Variants in LRP8 observed in about 807,000 individuals in gnomAD.
LRP8 encodes low-density lipoprotein receptor-related protein 8.
In LRP8, 46 loss-of-function variants were observed where a neutral mutation model predicts 111.6. The observed-to-expected ratio is 0.41, with a 90% CI of 0.33 to 0.53. LRP8 has a LOEUF of 0.53. LRP8 is among the 20% of genes least tolerant of loss of function. The probability of loss-of-function intolerance (pLI) is 0.20; values close to 1 mark genes in which losing one functional copy is unlikely to be tolerated. For missense variants in LRP8, 959 were observed against 1,297.4 expected (o/e 0.74, Z 4.01); for synonymous variants, 464 against 511.2 (o/e 0.91, Z 1.24).
rs775189421 is a variant in LRP8 at position 53,326,901 on chromosome 1, G to A, written c.216C>T (p.Cys72=). The A allele has an allele frequency of 1.9e-6, 3 of 1,613,746 alleles. No individual in the cohort carries two copies. Among genetic ancestry groups the A allele is most frequent in the South Asian group, 2.2e-5 (2 of 91,080 alleles). ...SVWRCDEDDD[C]LDHSDEDDCP... is the part of the protein sequence containing the mutation. ...AGTCGTCCTCGTCGCTGTGGTCTAA[G>A]CAGTCATCGTCCTCGTCGCATCTCC... The change falls in exon 2 of 19, where the codon TGC becomes TGT. Residue 72 remains cysteine (C), a synonymous_variant. Transcript: ENST00000306052.
At chr1:53,320,778 G>C (rs1654407204) in intron 2 of LRP8, among the ~76,000 whole-genome samples, 2 of 152,204 alleles carry the variant, frequency 1.3e-5, no homozygotes, top group Admixed American at 6.5e-5. Context: ...GGGAGGCACT[G>C]CTGAGTCCTG....
At chr1:53,248,462 C>T (rs1645793404) in intron 18 of LRP8, among the ~76,000 whole-genome samples, 1 of 152,172 alleles carries the variant, frequency 6.6e-6, no homozygotes, top group African/African-American at 2.4e-5. Context: ...AGGCTATTTA[C>T]CTCACGATAT....
rs779445518 is a variant in LRP8, at chr1:53,257,480, C to CATGGAGGT, written c.2210-24_2210-17dup. Reference sequence around the variant, plus strand: ...GATTGAGGTGCTGGAGGGGAAATACCATGGAGGTCACTTGGACAGATAATT... The same window carrying CATGGAGGT: ...GATTGAGGTGCTGGAGGGGAAATACCATGGAGGTATGGAGGTCACTTGGACAGATAATT... On this transcript the variant is annotated splice_polypyrimidine_tract_variant and intron_variant, in intron 14 of 18. Transcript: ENST00000306052. 6.2e-7 allele frequency: 1 copy of CATGGAGGT among 1,600,158 alleles called. No homozygotes were observed. Among genetic ancestry groups the CATGGAGGT allele is most frequent in the African/African-American group, 1.3e-5 (1 of 74,568 alleles).
rs768124097 is a variant in LRP8 at position 53,249,346 on chromosome 1, C to T, written c.2853+34G>A. 6.2e-7 allele frequency: 1 copy of T among 1,605,612 alleles called. No individual in the cohort carries two copies. The highest frequency in any genetic ancestry group is 8.5e-7 in the Non-Finnish European group (1 of 1,175,396). On this transcript the variant is annotated intron_variant, in intron 18 of 18. Coordinates refer to ENST00000306052, the MANE Select transcript of LRP8 (RefSeq NM_004631.5). This position sits in a 1 kb window ranked among gnomAD's most constrained non-coding sequence, Gnocchi z 4.1. The stretch of plus-strand genomic sequence containing the variant: ...CTGCCTTGGTTCATGCCCTCACTCA[C>T]CAGCCCCTCAGACTTAGAGTGGCAC...
Position 53,280,285 on chromosome 1 carries a change from C to T in LRP8, c.496+302G>A, listed in dbSNP as rs1647064086. On this transcript the variant is annotated intron_variant, in intron 4 of 18. Coordinates refer to ENST00000306052, the MANE Select transcript of LRP8 (RefSeq NM_004631.5). The stretch of plus-strand genomic sequence containing the variant: ...ACAAAAGCTCATGGGCTTTGCTGTC[C>T]AGTCCTGAATCTGAATCTTGGTTTC... Among the ~76,000 whole-genome samples, 3 of 152,220 alleles carry T rather than the reference C, an allele frequency of 2.0e-5. No individual in the cohort carries two copies. In the South Asian group the frequency reaches 6.2e-4, roughly 31 times the overall value.
intron 5 of LRP8, 26 bp downstream of exon 5, chr1:53,276,666 G>A (rs902484324): frequency 1.2e-5 from 18 of 1,509,016 alleles, no homozygotes; most frequent in Non-Finnish European, 1.5e-5. Context: ...CCCTGGGCGG[G>A]GCTGGGCGGT....
intron 15 of LRP8, among the ~76,000 whole-genome samples, chr1:53,256,684 T>G (rs1646100499): frequency 6.6e-6 from 1 of 152,256 alleles, no homozygotes. Flanking sequence ...TTTCTAGCAG[T>G]GACAATTACT....
At chr1:53,292,907 C>T (rs751695800) in intron 2 of LRP8, among the ~76,000 whole-genome samples, 1 of 152,224 alleles carries the variant, frequency 6.6e-6, no homozygotes, top group African/African-American at 2.4e-5. Context: ...AAAAACCTTA[C>T]AGCAGGTGGG....
At chr1:53,311,732 G>A (rs1653037898) in intron 2 of LRP8, among the ~76,000 whole-genome samples, 2 of 152,132 alleles carry the variant, frequency 1.3e-5, no homozygotes, top group Admixed American at 6.5e-5. Context: ...GAGGGGAAGA[G>A]GACCAGCCAA....
At chr1:53,322,383 C>T (rs763139225) in intron 2 of LRP8, among the ~76,000 whole-genome samples, 12 of 152,070 alleles carry the variant, frequency 7.9e-5, no homozygotes, top group East Asian at 1.9e-4. Flanking sequence ...ACACCTGCAC[C>T]GGATCTCTTA....
intron 16 of LRP8, among the ~76,000 whole-genome samples, chr1:53,252,267 C>T (rs573089240): frequency 6.6e-6 from 1 of 152,162 alleles, no homozygotes; most frequent in South Asian, 2.1e-4. Context: ...CAGTGGCTCA[C>T]ATATGTAATA....
intron 10 of LRP8, among the ~76,000 whole-genome samples, 195 bp downstream of exon 10, chr1:53,263,974 G>T (rs1409067957): frequency 6.6e-6 from 1 of 152,176 alleles, no homozygotes; most frequent in African/African-American, 2.4e-5. Context: ...TAACGAGTGG[G>T]TGGGAGAGTC....
intron 2 of LRP8, among the ~76,000 whole-genome samples, chr1:53,290,816 G>C (rs950721566): frequency 1.3e-5 from 2 of 152,178 alleles, no homozygotes; most frequent in Non-Finnish European, 2.9e-5. Flanking sequence ...AACTGAGGCT[G>C]CCTGGCTACC....
intron 1 of LRP8, chr1:53,327,283 A>C (rs1655267535): frequency 2.2e-6 from 1 of 446,552 alleles, no homozygotes; most frequent in African/African-American, 2.0e-5. Flanking sequence ...ATAGTCAGAG[A>C]TCTGCTCAGA....
intron 3 of LRP8, 138 bp downstream of exon 3, chr1:53,289,429 T>C (rs1308425939): frequency 1.7e-6 from 2 of 1,190,742 alleles, no homozygotes; most frequent in Non-Finnish European, 2.3e-6. Context: ...ACTAAATATA[T>C]CTGTTTACCA....
Position 53,257,467 on chromosome 1 carries a change from G to C in LRP8, c.2210-3C>G. ...CGTAGTTGAGGTAGATTGAGGTGCT[G>C]GAGGGGAAATACCATGGAGGTCACT... On this transcript the variant is annotated splice_polypyrimidine_tract_variant and splice_region_variant and intron_variant, in intron 14 of 18. Transcript: ENST00000306052. The C allele has an allele frequency of 6.2e-7, 1 of 1,612,664 alleles. No homozygotes were observed. The highest frequency in any genetic ancestry group is 8.5e-7 in the Non-Finnish European group (1 of 1,178,802).
At chr1:53,270,265 G>A (rs1646719388) in intron 8 of LRP8, among the ~76,000 whole-genome samples, 1 of 152,188 alleles carries the variant, frequency 6.6e-6, no homozygotes, top group African/African-American at 2.4e-5. Context: ...GATATGAGCA[G>A]AGAGGAGGGG....
At chr1:53,252,921 A>G (rs2100346415) in intron 16 of LRP8, among the ~76,000 whole-genome samples, 1 of 152,382 alleles carries the variant, frequency 6.6e-6, no homozygotes, top group Middle Eastern at 3.4e-3. Context: ...ATGTAGGAAT[A>G]TATAAATCAG....
chr1:53,305,708 A>T lies in LRP8; in HGVS notation c.245-16019T>A, dbSNP rs370698339. On this transcript the variant is annotated intron_variant, in intron 2 of 18. Coordinates refer to ENST00000306052, the MANE Select transcript of LRP8 (RefSeq NM_004631.5). ...GGCCCACCTGGACACACAGGCAATG[A>T]GTGGAGGTCACAGGAGGTCTGGCCA... 7.2e-5 allele frequency: 11 copies of T among 152,402 alleles called. 1 individual carries two copies. The highest frequency in any genetic ancestry group is 2.4e-4 in the African/African-American group (10 of 41,568). 9.4% of individuals were successfully genotyped at this position (152,402 alleles called of 1,614,324 possible).
Sources: gnomAD v4.1 joint callset for allele counts (sites outside exome capture counted in the v4.1 genomes callset) on GRCh38, gnomAD v4.1.1 for gene constraint, Gnocchi (gnomAD v3.1) non-coding constraint, MANE v1.5 for transcripts, NCBI Gene and HGNC (gene_info 2026-07-23, HGNC 2026-07-21) for gene names.